The following NRG1 variants were observed in gnomAD, a reference collection of about 807,000 sequenced individuals.
The protein encoded by NRG1 is neuregulin 1.
NRG1 carries 18 observed loss-of-function variants against 63.8 expected under a neutral mutation model. That is an observed-to-expected ratio of 0.28 (90% CI 0.19 to 0.42). The LOEUF is 0.42. Ranked by LOEUF, NRG1 falls within the 10% of genes least tolerant of loss-of-function variation. The pLI, the probability that NRG1 is intolerant of heterozygous loss-of-function variation, is 1.00. For synonymous variants in NRG1, 302 were observed against 301.3 expected (o/e 1.00, Z -0.02); for missense variants, 762 against 814.7 (o/e 0.94, Z 0.79).
intron 1 of NRG1, among the ~76,000 whole-genome samples, chr8:32,573,856 T>A (rs574323344): frequency 7.2e-5 from 11 of 151,864 alleles, no homozygotes; most frequent in Non-Finnish European, 1.3e-4. Context: ...CCTGTGCCCA[T>A]GTGTTCTCAT....
At chr8:32,404,079 T>C (rs1813605382) in intron 1 of NRG1, among the ~76,000 whole-genome samples, 1 of 152,134 alleles carries the variant, frequency 6.6e-6, no homozygotes, top group African/African-American at 2.4e-5. Context: ...GGACCAGCAG[T>C]GGGGATAAAG....
At chr8:32,079,703 A>T (rs1827154242) in intron 1 of NRG1, among the ~76,000 whole-genome samples, 1 of 152,184 alleles carries the variant, frequency 6.6e-6, no homozygotes. Flanking sequence ...ATTAACTGGC[A>T]TGTACAGAAT....
chr8:32,331,066 C>T (rs1802582517), intron 1 of NRG1, among the ~76,000 whole-genome samples: 1 of 151,984 alleles, frequency 6.6e-6, no homozygotes, highest in African/African-American at 2.4e-5. Flanking sequence ...CACCCTGTGA[C>T]AATTCCTTTT....
intron 1 of NRG1, among the ~76,000 whole-genome samples, chr8:32,342,609 A>C (rs549265658): frequency 6.6e-6 from 1 of 151,910 alleles, no homozygotes; most frequent in Non-Finnish European, 1.5e-5. Flanking sequence ...AGAAAAGACC[A>C]CTCTCACCTT....
At chr8:32,692,927 A>G (rs1045917695) in intron 5 of NRG1, among the ~76,000 whole-genome samples, 24 of 152,132 alleles carry the variant, frequency 1.6e-4, no homozygotes, top group Admixed American at 6.5e-5. Flanking sequence ...CCAGTTAGGT[A>G]GTTGAAAAGG....
chr8:31,990,389 A>C (rs1473859900), intron 1 of NRG1, among the ~76,000 whole-genome samples: 1 of 152,036 alleles, frequency 6.6e-6, no homozygotes, highest in African/African-American at 2.4e-5. Context: ...AGAGAGTTTT[A>C]TATTGTGGTA....
chr8:32,131,141 C>G (rs1834765567), intron 1 of NRG1, among the ~76,000 whole-genome samples: 2 of 151,868 alleles, frequency 1.3e-5, no homozygotes, highest in South Asian at 4.1e-4. Context: ...AAATGTCTAC[C>G]TTAATAAAGC....
At chr8:32,761,767 A>C (rs1389574458) in intron 11 of NRG1, among the ~76,000 whole-genome samples, 3 of 151,896 alleles carry the variant, frequency 2.0e-5, no homozygotes, top group African/African-American at 7.3e-5. Flanking sequence ...CAGGCTGGGC[A>C]CGGTGGCTCA....
chr8:32,588,864 C>T (rs1261738745), intron 1 of NRG1, among the ~76,000 whole-genome samples: 1 of 152,192 alleles, frequency 6.6e-6, no homozygotes, highest in Non-Finnish European at 1.5e-5. Flanking sequence ...CCTCCTTCCT[C>T]AGTAGTCAGG....
chr8:32,656,631 T>C (rs1277747647), intron 5 of NRG1, among the ~76,000 whole-genome samples: 1 of 152,190 alleles, frequency 6.6e-6, no homozygotes, highest in Admixed American at 6.5e-5. Flanking sequence ...ATATGTGAGA[T>C]CCTTTGTTCA....
At chr8:31,936,399 C>T (rs1357358407) in intron 1 of NRG1, among the ~76,000 whole-genome samples, 1 of 152,058 alleles carries the variant, frequency 6.6e-6, no homozygotes, top group Non-Finnish European at 1.5e-5. Flanking sequence ...ATAACCTTTC[C>T]ATTTTATATT....
At chr8:32,337,352 G>T (rs189449096) in intron 1 of NRG1, among the ~76,000 whole-genome samples, 99 of 152,142 alleles carry the variant, frequency 6.5e-4, no homozygotes, top group African/African-American at 2.3e-3. Flanking sequence ...ATGACCAGGT[G>T]GGGTAGCAGA....
intron 1 of NRG1, among the ~76,000 whole-genome samples, chr8:32,504,946 G>A (rs909484789): frequency 6.6e-6 from 1 of 152,118 alleles, no homozygotes; most frequent in African/African-American, 2.4e-5. Context: ...TATTTCCTTA[G>A]GTGTTTACAT....
intron 6 of NRG1, among the ~76,000 whole-genome samples, chr8:32,737,590 G>T (rs1449616692): frequency 6.6e-6 from 1 of 151,360 alleles, no homozygotes; most frequent in African/African-American, 2.4e-5. Flanking sequence ...CCACAGAGGA[G>T]AGTGTATCAT....
chr8:32,494,617 T>C (rs1826980233), intron 1 of NRG1, among the ~76,000 whole-genome samples: 2 of 152,164 alleles, frequency 1.3e-5, no homozygotes, highest in African/African-American at 4.8e-5. Context: ...GAATTTTATT[T>C]AGTGGCCATA....
chr8:32,475,030 C>T (rs192978251), intron 1 of NRG1, among the ~76,000 whole-genome samples: 1 of 152,150 alleles, frequency 6.6e-6, no homozygotes, highest in East Asian at 1.9e-4. Flanking sequence ...CATTATTTTT[C>T]GAATTTTGGC....
chr8:31,761,741 T>G (rs935305269), intron 1 of NRG1, among the ~76,000 whole-genome samples: 7 of 152,134 alleles, frequency 4.6e-5, no homozygotes, highest in Non-Finnish European at 1.0e-4. Context: ...GATCGCAGAT[T>G]ACCATAACAA....
chr8:31,940,666 A>G (rs192358120), intron 1 of NRG1, among the ~76,000 whole-genome samples: 8 of 152,310 alleles, frequency 5.3e-5, no homozygotes, highest in Admixed American at 1.3e-4. Flanking sequence ...ATTAACCAAG[A>G]AAAGAAGAGA....
chr8:31,815,952 A>G (rs959252958), intron 1 of NRG1, among the ~76,000 whole-genome samples: 1 of 151,742 alleles, frequency 6.6e-6, no homozygotes, highest in African/African-American at 2.4e-5. Context: ...TCATTTCTGT[A>G]TCTCCTTTGG....
Sources: allele counts gnomAD v4.1 joint callset (sites outside exome capture counted in the v4.1 genomes callset), GRCh38; gene constraint gnomAD v4.1.1; transcripts MANE v1.5; gene names NCBI Gene and HGNC (gene_info 2026-07-23, HGNC 2026-07-21).